The following CDRT4 variants were observed in gnomAD, a reference collection of about 807,000 sequenced individuals.
CDRT4 encodes CMT1A duplicated region transcript 4 protein.
For synonymous variants in CDRT4, 64 were observed against 69.6 expected, an observed-to-expected ratio of 0.92 and a Z score of 0.40; for missense variants, 167 against 193.1, an observed-to-expected ratio of 0.87 and a Z score of 0.80.
intron 2 of CDRT4, among the ~76,000 whole-genome samples, chr17:15,447,610 A>T (rs1418766714): frequency 6.6e-6 from 1 of 152,238 alleles, no homozygotes; most frequent in Admixed American, 6.5e-5. Flanking sequence ...TATCAGGTAC[A>T]ACCATGAATC....
At chr17:15,454,877 G>A (rs1005109172) in intron 1 of CDRT4, among the ~76,000 whole-genome samples, 2 of 152,202 alleles carry the variant, frequency 1.3e-5, no homozygotes, top group Non-Finnish European at 2.9e-5. Flanking sequence ...CCCATAGTAT[G>A]TTATGATGAT....
intron 1 of CDRT4, among the ~76,000 whole-genome samples, chr17:15,466,926 G>C (rs1980066769): frequency 6.6e-6 from 1 of 152,200 alleles, no homozygotes; most frequent in East Asian, 1.9e-4. Flanking sequence ...TGTCCCTATA[G>C]GTTTCTATAG....
At chr17:15,452,717 G>C (rs1267379414) in intron 2 of CDRT4, 1 of 152,234 alleles carries the variant, frequency 6.6e-6, no homozygotes, top group Non-Finnish European at 1.5e-5. Context: ...CGGCTCCAGT[G>C]ATACTTCTTT....
chr17:15,457,050 A>G (rs1382233330), intron 1 of CDRT4, among the ~76,000 whole-genome samples: 1 of 152,118 alleles, frequency 6.6e-6, no homozygotes, highest in African/African-American at 2.4e-5. Flanking sequence ...GAGCCCTTCC[A>G]GTCCAACATC....
intron 1 of CDRT4, among the ~76,000 whole-genome samples, chr17:15,454,218 T>G (rs1459641873): frequency 1.3e-5 from 2 of 152,082 alleles, no homozygotes; most frequent in Non-Finnish European, 2.9e-5. Context: ...GCCACACTAC[T>G]TTTCACATCC....
chr17:15,461,117 A>G (rs1979728799), intron 1 of CDRT4, among the ~76,000 whole-genome samples: 2 of 152,178 alleles, frequency 1.3e-5, no homozygotes, highest in African/African-American at 4.8e-5. Flanking sequence ...TGTTTCCCCG[A>G]CAGCACTTAT....
chr17:15,438,350 TG>T (rs2150783569), intron 3 of CDRT4, 150 bp from the exon 4 acceptor site: 1 of 684,284 alleles, frequency 1.5e-6, no homozygotes, highest in African/African-American at 1.8e-5. Flanking sequence ...CAATTCAAAG[TG>T]GGGGAACAGA....
At chr17:15,467,333 C>T (rs1016362214) in intron 1 of CDRT4, 127 bp downstream of exon 1, 19 of 152,158 alleles carry the variant, frequency 1.2e-4, no homozygotes, top group African/African-American at 4.6e-4. Context: ...TCTGGGGACC[C>T]TTTAATGGCA....
At chr17:15,466,941 T>C (rs1176795857) in intron 1 of CDRT4, among the ~76,000 whole-genome samples, 1 of 152,242 alleles carries the variant, frequency 6.6e-6, no homozygotes, top group African/African-American at 2.4e-5. Context: ...CTATAGGTGC[T>C]TAATAATTTT....
At chr17:15,439,077 C>T (rs912776249) in intron 3 of CDRT4, 4 of 455,232 alleles carry the variant, frequency 8.8e-6, no homozygotes, top group East Asian at 1.4e-4. Flanking sequence ...CATGTCAGTC[C>T]TTCCCATCTT....
At chr17:15,443,262 T>C (rs1567609315) in intron 2 of CDRT4, among the ~76,000 whole-genome samples, 1 of 151,098 alleles carries the variant, frequency 6.6e-6, no homozygotes, top group Non-Finnish European at 1.5e-5. Context: ...GACACAGTTC[T>C]GTAATTTCTT....
intron 2 of CDRT4, among the ~76,000 whole-genome samples, chr17:15,452,274 A>G (rs1979296877): frequency 6.6e-6 from 1 of 152,230 alleles, no homozygotes; most frequent in Admixed American, 6.5e-5. Flanking sequence ...CCCCATCCAT[A>G]AAATGGGAAT....
intron 1 of CDRT4, among the ~76,000 whole-genome samples, chr17:15,463,368 T>G (rs1979846587): frequency 1.3e-5 from 2 of 152,176 alleles, no homozygotes; most frequent in East Asian, 3.8e-4. Flanking sequence ...GCAAGTTGGC[T>G]CGTGTCTCTC....
At chr17:15,443,279 TTTC>T (rs1719259870) in intron 2 of CDRT4, among the ~76,000 whole-genome samples, 2 of 141,588 alleles carry the variant, frequency 1.4e-5, no homozygotes, top group African/African-American at 5.7e-5. Context: ...TCTTTTTTTC[TTTC>T]TTTTTTTTTT....
In CDRT4 at chr17:15,450,073, C is replaced by G. The variant is rs1377425106; in HGVS notation, c.-48+2931G>C. Among the ~76,000 whole-genome samples, 3 of 152,086 alleles carry G rather than the reference C, an allele frequency of 2.0e-5. No individual in the cohort carries two copies. Among genetic ancestry groups the G allele is most frequent in the Non-Finnish European group, 2.9e-5 (2 of 68,008 alleles). On this transcript the variant is annotated intron_variant, in intron 2 of 3. Transcript: ENST00000619038. The surrounding 1 kb of genome is among the most constrained non-coding windows in gnomAD (Gnocchi z 4.2). The stretch of plus-strand genomic sequence containing the variant: ...GATTTATATTCCTTCAGGTAGATTC[C>G]CAGTAGTGGAACTGTTGTGTCCAAT...
At chr17:15,445,947 AC>A (rs1979004167) in intron 2 of CDRT4, among the ~76,000 whole-genome samples, 1 of 151,796 alleles carries the variant, frequency 6.6e-6, no homozygotes, top group Non-Finnish European at 1.5e-5. Flanking sequence ...ATCCTCTTTG[AC>A]CTTCCATCTC....
At chr17:15,462,914 A>T (rs17842195) in intron 1 of CDRT4, among the ~76,000 whole-genome samples, 24,821 of 152,102 alleles carry the variant, frequency 0.16, 3,650 homozygotes, top group East Asian at 0.48. Flanking sequence ...CACTTTAGAC[A>T]CATCACCAAG....
At chr17:15,454,466 G>A (rs1319224956) in intron 1 of CDRT4, among the ~76,000 whole-genome samples, 1 of 152,094 alleles carries the variant, frequency 6.6e-6, no homozygotes, top group African/African-American at 2.4e-5. Flanking sequence ...ACACACACAT[G>A]CTTGCATGAA....
rs114843973 is a variant in CDRT4, at chr17:15,445,428, A to G, written c.-47-5143T>C. 5.7e-3 allele frequency among the ~76,000 whole-genome samples: 874 copies of G among 152,308 alleles called. 5 individuals are homozygous for G. Among genetic ancestry groups the G allele is most frequent in the African/African-American group, 0.02 (839 of 41,562 alleles). ...TGGAGCAGGATTTTCAGAGTCTGAT[A>G]TATGTTAACTTGTTCTGTAATTCTC... is the stretch of plus-strand genomic sequence containing the variant. On this transcript the variant is annotated intron_variant, in intron 2 of 3. Coordinates refer to ENST00000619038, the MANE Select transcript of CDRT4 (RefSeq NM_001204477.2).
Sources: gnomAD v4.1 joint callset for allele counts (sites outside exome capture counted in the v4.1 genomes callset) on GRCh38, gnomAD v4.1.1 for gene constraint, Gnocchi (gnomAD v3.1) non-coding constraint, MANE v1.5 for transcripts, NCBI Gene and HGNC (gene_info 2026-07-23, HGNC 2026-07-21) for gene names.